ERC1: variants seen among roughly 807,000 people sequenced by gnomAD.
ERC1 encodes the protein RAB6 interacting protein 2.
ERC1 carries 56 observed loss-of-function variants against 132.0 expected under a neutral mutation model. That is an observed-to-expected ratio of 0.42 (90% CI 0.34 to 0.53). The LOEUF is 0.53. ERC1 is among the 20% of genes least tolerant of loss of function. The pLI is 0.03. For synonymous variants in ERC1, 478 were observed against 476.1 expected (o/e 1.00, Z -0.05); for missense variants, 1,202 against 1,349.9 (o/e 0.89, Z 1.72).
At chr12:1,043,765 T>C (rs1970651345) in intron 2 of ERC1, among the ~76,000 whole-genome samples, 1 of 152,206 alleles carries the variant, frequency 6.6e-6, no homozygotes, top group South Asian at 2.1e-4. Context: ...GATAGAAGAT[T>C]ATACTTCGTT....
At chr12:1,004,145 A>G (rs985778222) in intron 1 of ERC1, among the ~76,000 whole-genome samples, 9 of 152,196 alleles carry the variant, frequency 5.9e-5, no homozygotes, top group Non-Finnish European at 1.3e-4. Flanking sequence ...GATAAGCTGC[A>G]GGTCACCAGA....
chr12:1,265,504 T>A (rs1449811533), intron 14 of ERC1, among the ~76,000 whole-genome samples: 1 of 152,216 alleles, frequency 6.6e-6, no homozygotes, highest in Non-Finnish European at 1.5e-5. Flanking sequence ...TGCCTCAGTT[T>A]CCCCTATTAT....
rs1206209722 is a variant in ERC1 at position 1,029,773 on chromosome 12, A to G, written c.669+1201A>G. On this transcript the variant is annotated intron_variant, in intron 2 of 18. Transcript: ENST00000360905. Reference sequence around the variant, plus strand: ...TTTTTTTTTTTTTTTTTTGAGACGGAGTCTTGCTCTGTCTCCCAGGCTGAA... The same window carrying G: ...TTTTTTTTTTTTTTTTTTGAGACGGGGTCTTGCTCTGTCTCCCAGGCTGAA... Among the ~76,000 whole-genome samples, 11 of 116,132 alleles carry G rather than the reference A, an allele frequency of 9.5e-5. No homozygotes were observed. The East Asian group carries it at 2.0e-3, about 21-fold the overall frequency. The allele number at this position is 116,132 out of a possible 152,430, so 76.2% of individuals were successfully genotyped here.
rs894789032 is a variant in ERC1, at chr12:1,348,016, A to C, written c.2781-23817A>C. Among the ~76,000 whole-genome samples the C allele has an allele frequency of 3.3e-5, 5 of 152,224 alleles. No individual in the cohort carries two copies. The East Asian group carries it at 9.7e-4, about 29-fold the overall frequency. ...AAAAATTATAATTGAAAATGAACACAGGTTTCTTGTATGTCTCTCCACTTA... is the reference window on the plus strand; with the variant it reads ...AAAAATTATAATTGAAAATGAACACCGGTTTCTTGTATGTCTCTCCACTTA... On this transcript the variant is annotated intron_variant, in intron 15 of 18. Transcript: ENST00000360905.
intron 16 of ERC1, among the ~76,000 whole-genome samples, chr12:1,382,081 T>G (rs1403042634): frequency 6.6e-6 from 1 of 152,244 alleles, no homozygotes; most frequent in Non-Finnish European, 1.5e-5. Context: ...CCTGTTTGTA[T>G]GTATAGCGTG....
chr12:1,220,306 G>A (rs956465961), intron 12 of ERC1, among the ~76,000 whole-genome samples: 1 of 152,116 alleles, frequency 6.6e-6, no homozygotes, highest in South Asian at 2.1e-4. Flanking sequence ...AGTTCAATAT[G>A]TTTGTTGAGG....
chr12:1,273,931 A>G (rs1216667265), intron 14 of ERC1, among the ~76,000 whole-genome samples: 1 of 152,216 alleles, frequency 6.6e-6, no homozygotes, highest in Non-Finnish European at 1.5e-5. Flanking sequence ...TTGTTTTTGG[A>G]AAAACATTTG....
chr12:1,319,961 A>G (rs190784272), intron 15 of ERC1, among the ~76,000 whole-genome samples: 1 of 152,242 alleles, frequency 6.6e-6, no homozygotes, highest in Non-Finnish European at 1.5e-5. Flanking sequence ...TATATATACA[A>G]TGTTAGATAT....
intron 7 of ERC1, among the ~76,000 whole-genome samples, chr12:1,140,986 T>C (rs1021324014): frequency 6.6e-6 from 1 of 152,192 alleles, no homozygotes; most frequent in African/African-American, 2.4e-5. Context: ...TGTGGGGTGC[T>C]AAAAGCTTAA....
At chr12:1,438,884 G>A (rs1387705648) in intron 17 of ERC1, among the ~76,000 whole-genome samples, 1 of 151,896 alleles carries the variant, frequency 6.6e-6, no homozygotes, top group South Asian at 2.1e-4. Context: ...TGAGGCTTCA[G>A]TGAGCTGTGA....
rs115044955 is a variant in ERC1 at position 1,205,518 on chromosome 12, C to T, written c.2351+15466C>T. 3.2e-3 allele frequency among the ~76,000 whole-genome samples: 489 copies of T among 151,414 alleles called. 5 individuals are homozygous for T. Among genetic ancestry groups the T allele is most frequent in the African/African-American group, 0.011 (468 of 41,266 alleles). On this transcript the variant is annotated intron_variant, in intron 12 of 18. Transcript: ENST00000360905. Reference sequence around the variant, plus strand: ...GGGATAAGTGTTAAAAGAGTTAGCCCGCCAAAAAAGAAAATAAATTGAAAA... The same window carrying T: ...GGGATAAGTGTTAAAAGAGTTAGCCTGCCAAAAAAGAAAATAAATTGAAAA...
At chr12:1,291,835 G>A (rs1423749892) in intron 15 of ERC1, among the ~76,000 whole-genome samples, 1 of 152,186 alleles carries the variant, frequency 6.6e-6, no homozygotes, top group Non-Finnish European at 1.5e-5. Flanking sequence ...TGCCAGTGGT[G>A]CATTGGAAAC....
intron 14 of ERC1, among the ~76,000 whole-genome samples, chr12:1,264,767 T>C (rs2077373485): frequency 6.6e-6 from 1 of 152,120 alleles, no homozygotes; most frequent in Non-Finnish European, 1.5e-5. Flanking sequence ...GAAATATAAA[T>C]GTTAAACAGG....
intron 7 of ERC1, among the ~76,000 whole-genome samples, chr12:1,117,308 C>T (rs1186229831): frequency 6.6e-6 from 1 of 152,104 alleles, no homozygotes; most frequent in Non-Finnish European, 1.5e-5. Context: ...GAAGAAGGAA[C>T]CTAAACTGTT....
chr12:1,110,378 A>G (rs1033051361), intron 5 of ERC1, 31 bp downstream of exon 5: 1 of 1,551,450 alleles, frequency 6.4e-7, no homozygotes, highest in Non-Finnish European at 8.7e-7. Context: ...TGATTCTTAA[A>G]AGGAGTTTGA....
At chr12:1,276,258 A>G (rs1315049728) in intron 14 of ERC1, among the ~76,000 whole-genome samples, 2 of 141,178 alleles carry the variant, frequency 1.4e-5, no homozygotes, top group African/African-American at 2.7e-5. Flanking sequence ...TTTTTTTGAG[A>G]TGGAGTCTCT....
At chr12:1,181,274 TG>T (rs1448345183) in intron 9 of ERC1, among the ~76,000 whole-genome samples, 1 of 152,230 alleles carries the variant, frequency 6.6e-6, no homozygotes, top group African/African-American at 2.4e-5. Context: ...CATTGCCTTG[TG>T]GGCAACATGT....
intron 15 of ERC1, among the ~76,000 whole-genome samples, chr12:1,350,465 G>A (rs1285685192): frequency 6.6e-6 from 1 of 152,192 alleles, no homozygotes; most frequent in Non-Finnish European, 1.5e-5. Flanking sequence ...CAGGCTGGCT[G>A]TACTGACCCA....
chr12:1,405,294 T>G (rs1165939696), intron 16 of ERC1, among the ~76,000 whole-genome samples: 1 of 77,552 alleles, frequency 1.3e-5, no homozygotes, highest in Non-Finnish European at 2.0e-5. Flanking sequence ...TATTAATCGG[T>G]TTTTTTTTTT....
Sources: gnomAD v4.1 joint callset for allele counts (sites outside exome capture counted in the v4.1 genomes callset) on GRCh38, gnomAD v4.1.1 for gene constraint, MANE v1.5 for transcripts, NCBI Gene and HGNC (gene_info 2026-07-23, HGNC 2026-07-21) for gene names.